Variants in ARRDC5 observed in about 807,000 individuals in gnomAD.
The protein encoded by ARRDC5 is arrestin domain containing 5, also known as arrestin domain-containing protein 5.
ARRDC5 carries 12 observed loss-of-function variants against 13.3 expected under a neutral mutation model. That is an observed-to-expected ratio of 0.90 (90% CI 0.58 to 1.46). The LOEUF (loss-of-function observed/expected upper bound fraction) is 1.46. Ranked by LOEUF, ARRDC5 falls within the 40% of genes most tolerant of loss-of-function variation. The pLI is 0.00. For missense variants in ARRDC5, 406 were observed against 418.7 expected (o/e 0.97, Z 0.26); for synonymous variants, 181 against 173.4 (o/e 1.04, Z -0.34).
intron 1 of ARRDC5, among the ~76,000 whole-genome samples, chr19:4,898,260 T>G (rs2031799099): frequency 6.6e-6 from 1 of 152,108 alleles, no homozygotes; most frequent in African/African-American, 2.4e-5. Context: ...TCCATGACCT[T>G]TGTTTCATTT....
In ARRDC5 at chr19:4,894,973, G is replaced by A. The variant is rs114198090; in HGVS notation, c.459+1698C>T. ...TCCCTGCAGTCTTATTCGAAAATTC[G>A]TAGCATGCGTTAGGACCCTGCAGGT... On this transcript the variant is annotated intron_variant, in intron 2 of 2. Transcript: ENST00000650722. Among the ~76,000 whole-genome samples the A allele has an allele frequency of 7.6e-3, 1,154 of 152,114 alleles. 11 individuals are homozygous for A. Among genetic ancestry groups the A allele is most frequent in the African/African-American group, 0.024 (1,010 of 41,512 alleles).
intron 2 of ARRDC5, among the ~76,000 whole-genome samples, chr19:4,894,085 A>G (rs1212598812): frequency 7.6e-6 from 1 of 131,242 alleles, no homozygotes; most frequent in Non-Finnish European, 1.6e-5. Context: ...AAGAAAGAAG[A>G]AGAAGAAGAC....
chr19:4,898,839 C>A (rs1356345942), intron 1 of ARRDC5, among the ~76,000 whole-genome samples: 1 of 151,664 alleles, frequency 6.6e-6, no homozygotes, highest in Non-Finnish European at 1.5e-5. Flanking sequence ...GTTGGTCAGG[C>A]TGGTCTTGAA....
chr19:4,898,490 T>TTCC (rs1260101900), intron 1 of ARRDC5, among the ~76,000 whole-genome samples: 1 of 152,026 alleles, frequency 6.6e-6, no homozygotes, highest in Non-Finnish European at 1.5e-5. Context: ...GCCTCCTGAG[T>TTCC]AGCTGGAATT....
intron 1 of ARRDC5, among the ~76,000 whole-genome samples, chr19:4,902,184 C>T (rs960609730): frequency 6.6e-6 from 1 of 151,680 alleles, no homozygotes; most frequent in African/African-American, 2.4e-5. Flanking sequence ...ACCACTGTGC[C>T]TGGCCCACCT....
intron 2 of ARRDC5, among the ~76,000 whole-genome samples, chr19:4,895,149 C>T (rs1026217485): frequency 2.0e-5 from 3 of 151,480 alleles, no homozygotes; most frequent in African/African-American, 7.3e-5. Flanking sequence ...CGGCTAGGAG[C>T]GGTGGCTAAC....
At chr19:4,891,738 C>A (rs1403943907) in intron 2 of ARRDC5, among the ~76,000 whole-genome samples, 165 bp from the exon 3 acceptor site, 1 of 152,068 alleles carries the variant, frequency 6.6e-6, no homozygotes, top group Non-Finnish European at 1.5e-5. Flanking sequence ...GGGAGGATCA[C>A]CATGTCAGGA....
chr19:4,905,743 C>T (rs554238494), upstream of ARRDC5, among the ~76,000 whole-genome samples: 67 of 152,170 alleles, frequency 4.4e-4, no homozygotes, highest in South Asian at 0.014. Context: ...GTCTTGATCT[C>T]CTGACCTCAG....
chr19:4,915,946 A>C, the ARRDC5 span, among the ~76,000 whole-genome samples: 4 of 152,252 alleles, frequency 2.6e-5, no homozygotes, highest in Admixed American at 2.6e-4. Flanking sequence ...GACCCTTTAC[A>C]TCATCCAGAA....
At chr19:4,892,689 A>G (rs941662046) in intron 2 of ARRDC5, among the ~76,000 whole-genome samples, 1 of 152,174 alleles carries the variant, frequency 6.6e-6, no homozygotes, top group South Asian at 2.1e-4. Context: ...TGTTTGCAAC[A>G]TAGCAAATTG....
chr19:4,891,121 G>A lies in ARRDC5; in HGVS notation c.912C>T (p.Ser304=), dbSNP rs372125196. 40 of 1,613,844 alleles carry A rather than the reference G, an allele frequency of 2.5e-5. No individual in the cohort carries two copies. The highest frequency in any genetic ancestry group is 1.6e-4 in the Middle Eastern group (1 of 6,084). ...LKAKVPIIIT[S]ASVDSAICQL... ...GGCAGATGGCAGAGTCCACTGAGGCGCTGGTGATGATGATGGGAACTTTGG... is the reference window on the plus strand; with the variant it reads ...GGCAGATGGCAGAGTCCACTGAGGCACTGGTGATGATGATGGGAACTTTGG... Residue 304 remains serine, a synonymous_variant, in exon 3 of 3, where the codon AGC becomes AGT. Coordinates refer to ENST00000650722, the MANE Select transcript of ARRDC5 (RefSeq NM_001080523.3).
upstream of ARRDC5, chr19:4,903,072 G>C (rs1171357652): frequency 6.4e-6 from 3 of 470,518 alleles, no homozygotes; most frequent in South Asian, 6.7e-5. Flanking sequence ...TGTAGCCCAG[G>C]CTGGAGTGCA....
the ARRDC5 span, among the ~76,000 whole-genome samples, chr19:4,912,103 C>T: frequency 1.3e-5 from 2 of 152,268 alleles, no homozygotes; most frequent in African/African-American, 4.8e-5. Context: ...TTCATTAGCC[C>T]TCTTCCCGTA....
chr19:4,897,858 G>A (rs1014980076), intron 1 of ARRDC5, among the ~76,000 whole-genome samples: 8 of 152,196 alleles, frequency 5.3e-5, no homozygotes, highest in East Asian at 1.9e-4. Flanking sequence ...AGGCCAAGGC[G>A]GGCGGATCAC....
At chr19:4,896,349 T>TA (rs1491487740) in intron 2 of ARRDC5, among the ~76,000 whole-genome samples, 2,926 of 30,346 alleles carry the variant, frequency 0.096, 167 homozygotes, top group Middle Eastern at 0.17. Context: ...TATATATATA[T>TA]TTTTTTTTTT....
chr19:4,915,424 A>G, the ARRDC5 span, among the ~76,000 whole-genome samples: 3 of 152,326 alleles, frequency 2.0e-5, no homozygotes, highest in East Asian at 1.9e-4. Flanking sequence ...ATTTATAAAA[A>G]CAGGTATGGC....
Position 4,891,035 on chromosome 19 carries a change from A to G in ARRDC5, c.*11T>C. The G allele has an allele frequency of 6.3e-7, 1 of 1,598,750 alleles. No individual in the cohort carries two copies. The highest frequency in any genetic ancestry group is 8.5e-7 in the Non-Finnish European group (1 of 1,173,480). On this transcript the variant is annotated 3_prime_UTR_variant, in exon 3 of 3. Coordinates refer to ENST00000650722, the MANE Select transcript of ARRDC5 (RefSeq NM_001080523.3). ...ACTAATAAAGCTTTTAATATTTAAAAGTTCGGGCACTTAATTCTGGTGATC... is the reference window on the plus strand; with the variant it reads ...ACTAATAAAGCTTTTAATATTTAAAGGTTCGGGCACTTAATTCTGGTGATC...
intron 2 of ARRDC5, among the ~76,000 whole-genome samples, chr19:4,893,120 TATA>T (rs1173812229): frequency 7.6e-6 from 1 of 131,544 alleles, no homozygotes; most frequent in African/African-American, 2.7e-5. Flanking sequence ...ATATATATAT[TATA>T]ATAATATAAT....
upstream of ARRDC5, among the ~76,000 whole-genome samples, chr19:4,905,805 CT>C (rs1350901921): frequency 6.6e-6 from 1 of 152,226 alleles, no homozygotes; most frequent in Non-Finnish European, 1.5e-5. Flanking sequence ...GCGTGAGCCA[CT>C]GTGCCCGGCC....
Sources: allele counts gnomAD v4.1 joint callset (sites outside exome capture counted in the v4.1 genomes callset), GRCh38; gene constraint gnomAD v4.1.1; transcripts MANE v1.5; gene names NCBI Gene and HGNC (gene_info 2026-07-23, HGNC 2026-07-21).